SLC36A1: variants seen among roughly 807,000 people sequenced by gnomAD.
SLC36A1 encodes the protein proton-coupled amino acid transporter 1.
A neutral mutation model predicts 47.5 loss-of-function variants in SLC36A1; 30 were observed. That is an observed-to-expected ratio of 0.63 (90% CI 0.47 to 0.86). The LOEUF (loss-of-function observed/expected upper bound fraction) is 0.86. Ranked by LOEUF, SLC36A1 falls within the 40% of genes least tolerant of loss-of-function variation. SLC36A1 has a pLI of 0.00. For missense variants in SLC36A1, 517 were observed against 606.0 expected, an observed-to-expected ratio of 0.85 and a Z score of 1.54; for synonymous variants, 255 against 249.7, an observed-to-expected ratio of 1.02 and a Z score of -0.20.
At chr5:151,398,700 T>A in the SLC36A1 span, among the ~76,000 whole-genome samples, 1 of 152,162 alleles carries the variant, frequency 6.6e-6, no homozygotes, top group Admixed American at 6.5e-5. Flanking sequence ...AAAGGAAAAC[T>A]GTTTAAAAAG....
chr5:151,433,236 A>ATG (rs1759487110), upstream of SLC36A1, among the ~76,000 whole-genome samples: 1 of 6,880 alleles, frequency 1.5e-4, no homozygotes, highest in African/African-American at 5.8e-4. Context: ...ATATATATAT[A>ATG]TATATATATA....
the SLC36A1 span, among the ~76,000 whole-genome samples, chr5:151,363,459 A>G: frequency 1.3e-5 from 2 of 151,786 alleles, no homozygotes; most frequent in African/African-American, 4.8e-5. Context: ...AAATCCTCAT[A>G]TTTGAGTTCT....
the SLC36A1 span, chr5:151,510,110 A>G: frequency 6.2e-7 from 1 of 1,614,042 alleles, no homozygotes; most frequent in Admixed American, 1.7e-5. Context: ...GTGCAAAAGT[A>G]CAGTTCTCCC....
intron 10 of SLC36A1, chr5:151,479,757 A>G (rs1758564884): frequency 7.5e-6 from 4 of 536,410 alleles, no homozygotes; most frequent in Non-Finnish European, 1.3e-5. Context: ...TATCATTCAG[A>G]GTAAAGACAT....
chr5:151,390,964 C>T, the SLC36A1 span, among the ~76,000 whole-genome samples: 13 of 151,876 alleles, frequency 8.6e-5, no homozygotes, highest in South Asian at 2.1e-4. Context: ...GGTAGCTTGA[C>T]GGGGATGGCA....
intron 7 of SLC36A1, among the ~76,000 whole-genome samples, chr5:151,469,708 T>C (rs1292605217): frequency 6.6e-6 from 1 of 152,098 alleles, no homozygotes; most frequent in Non-Finnish European, 1.5e-5. Flanking sequence ...TTCCACAGTA[T>C]TTAAGTGCCC....
At chr5:151,413,873 A>G in the SLC36A1 span, among the ~76,000 whole-genome samples, 1 of 152,068 alleles carries the variant, frequency 6.6e-6, no homozygotes, top group African/African-American at 2.4e-5. Flanking sequence ...ACACGTATAT[A>G]TATGTATATA....
the SLC36A1 span, among the ~76,000 whole-genome samples, chr5:151,361,118 A>G: frequency 6.6e-6 from 1 of 152,226 alleles, no homozygotes; most frequent in Non-Finnish European, 1.5e-5. Context: ...TTCTATAACC[A>G]CAATGGCATC....
At chr5:151,470,053 T>G (rs1280689941) in intron 7 of SLC36A1, among the ~76,000 whole-genome samples, 6 of 152,238 alleles carry the variant, frequency 3.9e-5, no homozygotes, top group African/African-American at 1.4e-4. Flanking sequence ...TTGACTCTTC[T>G]GCAGAACTAT....
the SLC36A1 span, chr5:151,512,357 C>A: frequency 6.2e-7 from 1 of 1,614,248 alleles, no homozygotes; most frequent in Non-Finnish European, 8.5e-7. The surrounding 1 kb of genome is among the most constrained non-coding windows in gnomAD (Gnocchi z 4.1). Flanking sequence ...CCCTGGGAGA[C>A]ATTCGAGGAA....
chr5:151,395,991 C>T, the SLC36A1 span, among the ~76,000 whole-genome samples: 1 of 151,576 alleles, frequency 6.6e-6, no homozygotes, highest in Non-Finnish European at 1.5e-5. Context: ...TGTATTTTTA[C>T]TAGAGATGGG....
At chr5:151,522,247 A>G in the SLC36A1 span, 1 of 576,406 alleles carries the variant, frequency 1.7e-6, no homozygotes, top group African/African-American at 1.9e-5. Flanking sequence ...ACCTAACTCC[A>G]AAAGCACTGA....
intron 1 of SLC36A1, among the ~76,000 whole-genome samples, chr5:151,440,727 G>A (rs940869805): frequency 1.3e-5 from 2 of 152,106 alleles, no homozygotes; most frequent in African/African-American, 4.8e-5. Context: ...TCCAGGGAGG[G>A]AGGCAGAACC....
the SLC36A1 span, among the ~76,000 whole-genome samples, chr5:151,393,991 A>G: frequency 6.6e-6 from 1 of 152,284 alleles, no homozygotes; most frequent in Middle Eastern, 3.4e-3. Flanking sequence ...AATATCCTAC[A>G]GAGTATTTTC....
the SLC36A1 span, among the ~76,000 whole-genome samples, chr5:151,409,414 A>G: frequency 8.5e-5 from 13 of 152,188 alleles, no homozygotes; most frequent in African/African-American, 2.9e-4. Flanking sequence ...GCTTTTGACT[A>G]TCAAAAAGAA....
At chr5:151,477,109 G>T in intron 9 of SLC36A1, 1 of 376,972 alleles carries the variant, frequency 2.7e-6, no homozygotes, top group East Asian at 6.8e-5. Flanking sequence ...CATCGGTTGT[G>T]CCTCTCCCTT....
chr5:151,474,716 A>C (rs532054920), intron 8 of SLC36A1, among the ~76,000 whole-genome samples: 10 of 152,196 alleles, frequency 6.6e-5, no homozygotes, highest in Non-Finnish European at 1.2e-4. Context: ...GATTTCACCA[A>C]ATGCTTTTCC....
At chr5:151,356,362 A>AAAAAAAAAAAAAAACAAAAAAAC in the SLC36A1 span, among the ~76,000 whole-genome samples, 1 of 148,660 alleles carries the variant, frequency 6.7e-6, no homozygotes, top group Non-Finnish European at 1.5e-5. Context: ...AAAAAAAAAG[A>AAAAAAAAAAAAAAACAAAAAAAC]ATACACGAAG....
intron 1 of SLC36A1, among the ~76,000 whole-genome samples, chr5:151,448,078 C>G (rs1363844334): frequency 6.6e-6 from 1 of 152,224 alleles, no homozygotes; most frequent in East Asian, 1.9e-4. Context: ...CTCCCCGTTT[C>G]CAGCAAATGT....
Sources: allele counts gnomAD v4.1 joint callset (sites outside exome capture counted in the v4.1 genomes callset), GRCh38; gene constraint gnomAD v4.1.1; non-coding constraint Gnocchi (gnomAD v3.1); transcripts MANE v1.5; gene names NCBI Gene and HGNC (gene_info 2026-07-23, HGNC 2026-07-21).